Variants in ACLY observed in about 807,000 individuals in gnomAD.
ACLY encodes the protein ATP-citrate synthase.
A neutral mutation model predicts 133.0 loss-of-function variants in ACLY; 41 were observed. The observed-to-expected ratio is 0.31, with a 90% CI of 0.24 to 0.40. The LOEUF is 0.40. Ranked by LOEUF, ACLY falls within the 10% of genes least tolerant of loss-of-function variation. The probability of loss-of-function intolerance (pLI) is 1.00; values close to 1 mark genes in which losing one functional copy is unlikely to be tolerated. For synonymous variants in ACLY, 495 were observed against 549.3 expected, an observed-to-expected ratio of 0.90 and a Z score of 1.38; for missense variants, 1,046 against 1,453.8, an observed-to-expected ratio of 0.72 and a Z score of 4.56.
upstream of ACLY, among the ~76,000 whole-genome samples, chr17:41,920,254 CCCATT>C (rs2050160989): frequency 6.6e-6 from 1 of 152,162 alleles, no homozygotes; most frequent in East Asian, 1.9e-4. Flanking sequence ...TCCCTTCCCT[CCCATT>C]CATCTTTTTG....
chr17:41,905,708 G>C lies in ACLY; in HGVS notation c.867-50C>G, dbSNP rs200756159. ...ATGGCTCTCACACTTGGGGCAGGGA[G>C]TGGCAGCCTGGTGCCTGGGAGGACA... On this transcript the variant is annotated intron_variant, in intron 8 of 28. Coordinates refer to ENST00000352035, the MANE Select transcript of ACLY (RefSeq NM_001096.3). The C allele has an allele frequency of 3.5e-4, 569 of 1,612,408 alleles. 1 individual carries two copies. In the Middle Eastern group the frequency reaches 4.5e-3, roughly 13 times the overall value.
At chr17:41,920,849 G>C (rs912616890), upstream of ACLY, among the ~76,000 whole-genome samples, 2 of 152,062 alleles carry the variant, frequency 1.3e-5, no homozygotes, top group Non-Finnish European at 2.9e-5. Flanking sequence ...TGAGTTCGAG[G>C]TCAAGCGTTC....
chr17:41,871,853 T>A (rs369821179), intron 24 of ACLY, 21 bp from the exon 25 acceptor site: 4 of 1,613,084 alleles, frequency 2.5e-6, no homozygotes, highest in Non-Finnish European at 3.4e-6. Flanking sequence ...AACAAGTGCG[T>A]GTTGCCTTGA....
upstream of ACLY, among the ~76,000 whole-genome samples, chr17:41,921,112 C>T (rs1446039133): frequency 7.6e-6 from 1 of 131,980 alleles, no homozygotes; most frequent in Non-Finnish European, 1.6e-5. Context: ...GGCAACAAGA[C>T]CAAAACTCCA....
chr17:41,921,205 G>A (rs1555635384), upstream of ACLY, among the ~76,000 whole-genome samples: 1 of 152,062 alleles, frequency 6.6e-6, no homozygotes, highest in Admixed American at 6.6e-5. Flanking sequence ...GGCTGAGGCA[G>A]GAGAATTGCT....
intron 16 of ACLY, among the ~76,000 whole-genome samples, chr17:41,890,835 T>TAAA (rs1567897249): frequency 1.6e-4 from 1 of 6,268 alleles, no homozygotes; most frequent in Admixed American, 3.5e-3. Flanking sequence ...ACCCCATCTG[T>TAAA]ACAAAAAAAA....
At chr17:41,922,385 A>G (rs1233253208), upstream of ACLY, among the ~76,000 whole-genome samples, 1 of 151,552 alleles carries the variant, frequency 6.6e-6, no homozygotes, top group Non-Finnish European at 1.5e-5. Context: ...AAAAAAAAAA[A>G]AAAAAAAGAT....
Position 41,918,868 on chromosome 17 carries a change from T to C in ACLY, c.-24+12A>G, listed in dbSNP as rs2050127238. On this transcript the variant is annotated intron_variant, in intron 1 of 28. Transcript: ENST00000352035. Reference sequence around the variant, plus strand: ...CGGGCTCCAGCCAGCGAAAACAGCCTCCCGTGCTCACCTCTGCCGAAGTCC... The same window carrying C: ...CGGGCTCCAGCCAGCGAAAACAGCCCCCCGTGCTCACCTCTGCCGAAGTCC... The C allele has an allele frequency of 7.8e-7, 1 of 1,287,730 alleles. No homozygotes were observed. Among genetic ancestry groups the C allele is most frequent in the African/African-American group, 1.5e-5 (1 of 65,660 alleles). The allele number at this position is 1,287,730 out of a possible 1,614,324, so 79.8% of individuals were successfully genotyped here.
chr17:41,889,556 AG>A (rs2049150053), intron 16 of ACLY, among the ~76,000 whole-genome samples: 3 of 149,758 alleles, frequency 2.0e-5, no homozygotes, highest in Admixed American at 6.7e-5. Flanking sequence ...AAAAAAAAAA[AG>A]AAGTAGCTCA....
At chr17:41,916,117 T>C (rs2050045001) in intron 1 of ACLY, among the ~76,000 whole-genome samples, 1 of 152,152 alleles carries the variant, frequency 6.6e-6, no homozygotes. Flanking sequence ...CCCATCTCCA[T>C]AGGGTCTTTG....
chr17:41,873,521 C>T (rs2048653396), intron 23 of ACLY, among the ~76,000 whole-genome samples: 1 of 152,178 alleles, frequency 6.6e-6, no homozygotes, highest in African/African-American at 2.4e-5. Flanking sequence ...CCACCAGGCC[C>T]ACACTCCTTA....
rs143601488 is a variant in ACLY, at chr17:41,906,430, C to T, written c.866+98G>A. On this transcript the variant is annotated intron_variant, in intron 8 of 28. Coordinates refer to ENST00000352035, the MANE Select transcript of ACLY (RefSeq NM_001096.3). ...CCACTGCTTTCCTCTGCCCCAAATT[C>T]CCACACCAAAGTGACAGGACCCCAC... The T allele has an allele frequency of 1.8e-4, 190 of 1,063,244 alleles. No individual in the cohort carries two copies. The African/African-American group carries it at 2.6e-3, about 14-fold the overall frequency. 65.9% of individuals were successfully genotyped at this position (1,063,244 alleles called of 1,614,324 possible).
intron 1 of ACLY, among the ~76,000 whole-genome samples, chr17:41,916,540 AT>A (rs59291750): frequency 0.88 from 132,443 of 151,038 alleles, 58,532 homozygotes; most frequent in East Asian, 1. Context: ...CGCCCATCTA[AT>A]TTTTTTTGTA....
chr17:41,870,988 T>C (rs1555624938), intron 25 of ACLY, among the ~76,000 whole-genome samples: 2 of 152,178 alleles, frequency 1.3e-5, no homozygotes, highest in African/African-American at 4.8e-5. Context: ...GACATAAACC[T>C]TTGCTGTGGT....
At chr17:41,916,980 T>C (rs1313708995) in intron 1 of ACLY, among the ~76,000 whole-genome samples, 1 of 151,458 alleles carries the variant, frequency 6.6e-6, no homozygotes, top group East Asian at 2.0e-4. Flanking sequence ...CTGTTTCTAC[T>C]AAAAATACAA....
chr17:41,898,404 T>C (rs371756204), intron 12 of ACLY, among the ~76,000 whole-genome samples: 49 of 152,160 alleles, frequency 3.2e-4, no homozygotes, highest in African/African-American at 1.2e-3. Flanking sequence ...TGAGCCACCA[T>C]GCCCGGCCAC....
chr17:41,906,590 C>T lies in ACLY; in HGVS notation c.804G>A (p.Leu268=). 7 of 1,614,242 alleles carry T rather than the reference C, an allele frequency of 4.3e-6. No individual in the cohort carries two copies. The highest frequency in any genetic ancestry group is 5.9e-6 in the Non-Finnish European group (7 of 1,180,046). The change falls in exon 8 of 29, where the codon TTG becomes TTA. Residue 268 remains leucine, a synonymous_variant. Transcript: ENST00000352035. ...AKSGASLKLT[L]LNPKGRIWTM... is the part of the protein sequence containing the mutation. Reference sequence around the variant, plus strand: ...TCCAGATCCTCCCTTTGGGGTTCAGCAAGGTCAGCTTCAGGCTTGCCCCAC... The same window carrying T: ...TCCAGATCCTCCCTTTGGGGTTCAGTAAGGTCAGCTTCAGGCTTGCCCCAC...
chr17:41,896,997 C>T (rs569387261), intron 13 of ACLY, among the ~76,000 whole-genome samples: 3 of 152,350 alleles, frequency 2.0e-5, no homozygotes, highest in Non-Finnish European at 4.4e-5. Context: ...GCAGTCCCAC[C>T]CTCTTAATGC....
chr17:41,929,646 C>T (rs2050290633), intron 1 of ACLY, among the ~76,000 whole-genome samples: 1 of 152,122 alleles, frequency 6.6e-6, no homozygotes, highest in African/African-American at 2.4e-5. Context: ...CAAGCAGGGA[C>T]CATATTATTT....
Sources: allele counts gnomAD v4.1 joint callset (sites outside exome capture counted in the v4.1 genomes callset), GRCh38; gene constraint gnomAD v4.1.1; transcripts MANE v1.5; gene names NCBI Gene and HGNC (gene_info 2026-07-23, HGNC 2026-07-21).